The following ADAM12 variants were observed in gnomAD, a reference collection of about 807,000 sequenced individuals.
ADAM12 encodes disintegrin and metalloproteinase domain-containing protein 12.
ADAM12 carries 70 observed loss-of-function variants against 106.4 expected under a neutral mutation model. That is an observed-to-expected ratio of 0.66 (90% CI 0.54 to 0.80). The LOEUF (loss-of-function observed/expected upper bound fraction) is 0.80, where lower values mean the gene tolerates loss of function less well. Among genes scored for constraint, ADAM12 ranks in the 30% least tolerant of loss-of-function variants. The pLI, the probability that ADAM12 is intolerant of heterozygous loss-of-function variation, is 0.00. For synonymous variants in ADAM12, 420 were observed against 433.5 expected (o/e 0.97, Z 0.39); for missense variants, 1,010 against 1,171.9 (o/e 0.86, Z 2.02).
intron 11 of ADAM12, among the ~76,000 whole-genome samples, chr10:126,073,150 A>C (rs1955031264): frequency 6.6e-6 from 1 of 152,176 alleles, no homozygotes; most frequent in African/African-American, 2.4e-5. Flanking sequence ...CCCATGCTGG[A>C]GTGCAGTGTC....
chr10:126,040,708 A>G (rs1954145556), intron 18 of ADAM12, among the ~76,000 whole-genome samples: 1 of 152,192 alleles, frequency 6.6e-6, no homozygotes. Flanking sequence ...AAAGTTAATT[A>G]AAGTTAATTT....
At position 126,098,396 on chromosome 10, in the gene ADAM12, T is replaced by C; in HGVS notation, c.996+20A>G. On this transcript the variant is annotated intron_variant, in intron 10 of 22. Transcript: ENST00000448723. ...GGAATCATTATCAAGGGGAACCAGC[T>C]CCCAATGCCCTTGGCTTACCATGAC... is the stretch of plus-strand genomic sequence containing the variant. 1 of 1,603,794 alleles carries C rather than the reference T, an allele frequency of 6.2e-7. No homozygotes were observed.
At chr10:126,076,236 A>T (rs1004181704) in intron 11 of ADAM12, among the ~76,000 whole-genome samples, 2 of 152,226 alleles carry the variant, frequency 1.3e-5, no homozygotes, top group African/African-American at 4.8e-5. Flanking sequence ...GGCTCCATCC[A>T]TGTTGCTGCA....
At chr10:126,139,475 G>C (rs193165084) in intron 4 of ADAM12, among the ~76,000 whole-genome samples, 1 of 152,076 alleles carries the variant, frequency 6.6e-6, no homozygotes, top group Admixed American at 6.6e-5. Flanking sequence ...AGTTTGTAGC[G>C]TATCTTTTTT....
At chr10:126,304,326 G>T (rs1479456526) in intron 2 of ADAM12, among the ~76,000 whole-genome samples, 2 of 140,400 alleles carry the variant, frequency 1.4e-5, no homozygotes, top group African/African-American at 5.2e-5. Flanking sequence ...GGAAGGGAGG[G>T]AGGGAGGGAG....
At chr10:126,341,409 A>G (rs1229003327) in intron 1 of ADAM12, among the ~76,000 whole-genome samples, 1 of 152,230 alleles carries the variant, frequency 6.6e-6, no homozygotes. Context: ...TGAGACAGGA[A>G]TGGGGTCCAA....
At chr10:126,085,681 A>C (rs1955325596) in intron 11 of ADAM12, among the ~76,000 whole-genome samples, 1 of 151,844 alleles carries the variant, frequency 6.6e-6, no homozygotes, top group South Asian at 2.1e-4. Context: ...TCCATCCATC[A>C]TTCCACCCAC....
rs547901244 is a variant in ADAM12, at chr10:126,016,445, C to G, written c.*834G>C. 3 of 152,158 alleles carry G rather than the reference C, an allele frequency of 2.0e-5. No homozygotes were observed. The highest frequency in any genetic ancestry group is 4.4e-5 in the Non-Finnish European group (3 of 68,058). 9.4% of individuals were successfully genotyped at this position (152,158 alleles called of 1,614,324 possible). A position where few individuals can be genotyped will look rare whatever the true frequency, so the allele number is the denominator to read the frequency against. On this transcript the variant is annotated 3_prime_UTR_variant, in exon 23 of 23. Coordinates refer to ENST00000448723, the MANE Select transcript of ADAM12 (RefSeq NM_001288973.2). ...GGGCAGTAGGTTTCTTACAGAAACACCACCTTTCCCAAGCTAAATAACCTA... is the reference window on the plus strand; with the variant it reads ...GGGCAGTAGGTTTCTTACAGAAACAGCACCTTTCCCAAGCTAAATAACCTA...
chr10:126,198,820 T>A (rs1957645985), intron 3 of ADAM12, among the ~76,000 whole-genome samples: 1 of 152,248 alleles, frequency 6.6e-6, no homozygotes, highest in East Asian at 1.9e-4. Flanking sequence ...ATGAATATAC[T>A]GTTACTGCCA....
chr10:126,343,098 A>G (rs891538507), intron 1 of ADAM12, among the ~76,000 whole-genome samples: 1 of 152,108 alleles, frequency 6.6e-6, no homozygotes, highest in Non-Finnish European at 1.5e-5. Flanking sequence ...ATATGTATAC[A>G]TGTGCCATGT....
At chr10:126,262,115 TAATAA>T (rs991892995) in intron 3 of ADAM12, among the ~76,000 whole-genome samples, 8 of 152,196 alleles carry the variant, frequency 5.3e-5, no homozygotes, top group African/African-American at 1.9e-4. Flanking sequence ...TGGCTCAACC[TAATAA>T]AATGAGTCAT....
chr10:126,298,034 T>G (rs1323546698), intron 2 of ADAM12, among the ~76,000 whole-genome samples: 7 of 152,118 alleles, frequency 4.6e-5, no homozygotes, highest in Admixed American at 3.9e-4. Flanking sequence ...GAATGAGAAG[T>G]AGATCAGTCT....
intron 3 of ADAM12, among the ~76,000 whole-genome samples, chr10:126,226,465 G>A (rs1005556148): frequency 6.6e-6 from 1 of 152,188 alleles, no homozygotes; most frequent in African/African-American, 2.4e-5. Flanking sequence ...TGCATGCAAT[G>A]GTGGCGCTGC....
intron 8 of ADAM12, among the ~76,000 whole-genome samples, chr10:126,103,849 G>A (rs988665948): frequency 2.0e-5 from 3 of 152,208 alleles, no homozygotes; most frequent in Non-Finnish European, 4.4e-5. Flanking sequence ...CTTGCTGTGG[G>A]CTGGGCCGGC....
At chr10:126,089,618 C>T in intron 11 of ADAM12, among the ~76,000 whole-genome samples, 1 of 152,104 alleles carries the variant, frequency 6.6e-6, no homozygotes, top group Non-Finnish European at 1.5e-5. Flanking sequence ...CAATGATGTC[C>T]CGCTGCTCTG....
intron 1 of ADAM12, among the ~76,000 whole-genome samples, chr10:126,372,037 GA>G (rs1174251100): frequency 6.6e-6 from 1 of 152,204 alleles, no homozygotes; most frequent in Non-Finnish European, 1.5e-5. Context: ...GGTTAACAGA[GA>G]TGCCCCTAAT....
chr10:126,148,958 C>T (rs1956679385), intron 4 of ADAM12, among the ~76,000 whole-genome samples: 1 of 152,160 alleles, frequency 6.6e-6, no homozygotes. Context: ...GCAAGTCTCA[C>T]CCACTACTGA....
intron 3 of ADAM12, among the ~76,000 whole-genome samples, chr10:126,269,622 C>A (rs1365465060): frequency 1.3e-5 from 2 of 152,116 alleles, no homozygotes; most frequent in African/African-American, 2.4e-5. Flanking sequence ...CTGCTAGAGA[C>A]CTCCTGGGAA....
At chr10:126,144,558 G>A (rs1956589950) in intron 4 of ADAM12, among the ~76,000 whole-genome samples, 1 of 152,122 alleles carries the variant, frequency 6.6e-6, no homozygotes, top group African/African-American at 2.4e-5. Flanking sequence ...CTTATACCCT[G>A]TCACTTGGCT....
Sources: gnomAD v4.1 joint callset for allele counts (sites outside exome capture counted in the v4.1 genomes callset) on GRCh38, gnomAD v4.1.1 for gene constraint, MANE v1.5 for transcripts, NCBI Gene and HGNC (gene_info 2026-07-23, HGNC 2026-07-21) for gene names.